ASH1L: variants seen among roughly 807,000 people sequenced by gnomAD.
ASH1L encodes the protein histone-lysine N-methyltransferase ASH1L.
Under a neutral mutation model 269.0 loss-of-function variants are expected in ASH1L, and 23 were observed. The ratio of observed to expected loss-of-function variants is 0.09; its 90% CI spans 0.06 to 0.12. ASH1L has a LOEUF of 0.12. ASH1L is among the 10% of genes least tolerant of loss of function. The probability of loss-of-function intolerance (pLI) is 1.00; values close to 1 mark genes in which losing one functional copy is unlikely to be tolerated. For missense variants in ASH1L, 2,912 were observed against 3,567.8 expected, an observed-to-expected ratio of 0.82 and a Z score of 4.68; for synonymous variants, 1,187 against 1,253.5, an observed-to-expected ratio of 0.95 and a Z score of 1.12.
chr1:155,457,436 T>C (rs1290540982), intron 4 of ASH1L, among the ~76,000 whole-genome samples: 2 of 152,226 alleles, frequency 1.3e-5, no homozygotes, highest in African/African-American at 2.4e-5. Context: ...TGCTATTTCA[T>C]GGTTTTGTGC....
At chr1:155,528,048 A>T (rs1181012516) in intron 1 of ASH1L, among the ~76,000 whole-genome samples, 1 of 152,068 alleles carries the variant, frequency 6.6e-6, no homozygotes, top group African/African-American at 2.4e-5. Context: ...ATGATTCACA[A>T]ATTTCTATCT....
intron 5 of ASH1L, among the ~76,000 whole-genome samples, chr1:155,431,964 T>C (rs1661644577): frequency 6.6e-6 from 1 of 152,178 alleles, no homozygotes; most frequent in African/African-American, 2.4e-5. Flanking sequence ...AAAATATACC[T>C]TTTTCTTTTT....
intron 2 of ASH1L, among the ~76,000 whole-genome samples, chr1:155,494,569 C>T (rs1667027683): frequency 1.3e-5 from 2 of 152,088 alleles, no homozygotes; most frequent in Non-Finnish European, 2.9e-5. Flanking sequence ...CAAGTGAATA[C>T]TAGGAGAGGG....
chr1:155,375,405 A>T (rs1378487766), intron 10 of ASH1L, among the ~76,000 whole-genome samples: 1 of 152,176 alleles, frequency 6.6e-6, no homozygotes, highest in Non-Finnish European at 1.5e-5. Flanking sequence ...AATTTACCAA[A>T]ATCTGAAATT....
chr1:155,459,711 A>G (rs908067078), intron 4 of ASH1L, 86 bp downstream of exon 4: 4 of 1,066,762 alleles, frequency 3.7e-6, no homozygotes, highest in Non-Finnish European at 5.6e-6. Context: ...AGTCCCCATT[A>G]TTTTTTCTAC....
At chr1:155,432,373 C>T (rs1661675652) in intron 5 of ASH1L, among the ~76,000 whole-genome samples, 2 of 152,152 alleles carry the variant, frequency 1.3e-5, no homozygotes, top group Non-Finnish European at 2.9e-5. Context: ...CATAATAGCA[C>T]TTGGATGGTT....
At position 155,438,629 on chromosome 1, in the gene ASH1L, C is replaced by T. The variant is rs1353858646; in HGVS notation, c.5526G>A (p.Gly1842=). ...AKKLQRQART[G]NNFVKRRPGR... ...CTGGCCTACGTTTCACAAAGTTATTCCCTGTCCTGGCCTGCCTTTGAAGTT... is the reference window on the plus strand; with the variant it reads ...CTGGCCTACGTTTCACAAAGTTATTTCCTGTCCTGGCCTGCCTTTGAAGTT... Residue 1842 remains glycine, a synonymous_variant, in exon 5 of 28, where the codon GGG becomes GGA. Transcript: ENST00000392403. 1 of 1,614,076 alleles carries T rather than the reference C, an allele frequency of 6.2e-7. No individual in the cohort carries two copies. Among genetic ancestry groups the T allele is most frequent in the Non-Finnish European group, 8.5e-7 (1 of 1,180,044 alleles).
chr1:155,542,337 C>G (rs1670478026), intron 1 of ASH1L, among the ~76,000 whole-genome samples: 1 of 152,084 alleles, frequency 6.6e-6, no homozygotes. Context: ...ATCACGAGGT[C>G]AGGAGATCGA....
chr1:155,342,185 G>A (rs1652877460), intron 24 of ASH1L, 83 bp from the exon 25 acceptor site: 1 of 1,344,292 alleles, frequency 7.4e-7, no homozygotes, highest in African/African-American at 1.4e-5. Context: ...ACACCAATGG[G>A]AGAGCAGCTA....
chr1:155,539,206 G>A (rs1243950575), intron 1 of ASH1L, among the ~76,000 whole-genome samples: 1 of 151,750 alleles, frequency 6.6e-6, no homozygotes, highest in Non-Finnish European at 1.5e-5. Flanking sequence ...GGAGTGCAGT[G>A]GCACTCATCC....
At chr1:155,484,396 G>A (rs973020410) in intron 2 of ASH1L, among the ~76,000 whole-genome samples, 1 of 152,130 alleles carries the variant, frequency 6.6e-6, no homozygotes, top group Non-Finnish European at 1.5e-5. Flanking sequence ...GCTGAGGCAG[G>A]AGAATCGCTT....
At chr1:155,406,538 T>C (rs1008469960) in intron 6 of ASH1L, among the ~76,000 whole-genome samples, 8 of 152,038 alleles carry the variant, frequency 5.3e-5, no homozygotes, top group Non-Finnish European at 1.0e-4. Flanking sequence ...GCCTTGTCTT[T>C]ACAAAAAATT....
chr1:155,366,297 C>A (rs1031449336), intron 12 of ASH1L, among the ~76,000 whole-genome samples: 2 of 152,156 alleles, frequency 1.3e-5, no homozygotes, highest in Non-Finnish European at 2.9e-5. Flanking sequence ...TCTATATGGT[C>A]TAAAAAGTGG....
rs991705659 is a variant in ASH1L at position 155,477,950 on chromosome 1, T to A, written c.4920A>T (p.Ser1640=). ...SPGLFSAQDT[S]LNRLHRKESL... ...ACTCCTTTCTGTGAAGCCGATTTAG[T>A]GAAGTGTCCTGTGCAGAAAAGAGTC... The change falls in exon 3 of 28, where the codon TCA becomes TCT. Residue 1640 remains serine (S), a synonymous_variant. Coordinates refer to ENST00000392403, the MANE Select transcript of ASH1L (RefSeq NM_018489.3). The A allele has an allele frequency of 6.2e-7, 1 of 1,614,186 alleles. No homozygotes were observed. Among genetic ancestry groups the A allele is most frequent in the Non-Finnish European group, 8.5e-7 (1 of 1,179,996 alleles).
chr1:155,367,076 C>A (rs780461574), intron 12 of ASH1L, among the ~76,000 whole-genome samples: 47 of 150,908 alleles, frequency 3.1e-4, no homozygotes, highest in Non-Finnish European at 5.9e-4. Flanking sequence ...TCACTACAAC[C>A]TCCGCCTCCC....
At chr1:155,404,056 C>CAAA (rs1265354613) in intron 6 of ASH1L, among the ~76,000 whole-genome samples, 1 of 69,690 alleles carries the variant, frequency 1.4e-5, no homozygotes, top group South Asian at 4.4e-4. Flanking sequence ...AACTCCGTCT[C>CAAA]AAAAAAAAAA....
At chr1:155,373,118 C>G (rs780004920) in intron 10 of ASH1L, among the ~76,000 whole-genome samples, 28 of 151,332 alleles carry the variant, frequency 1.9e-4, no homozygotes, top group Non-Finnish European at 3.5e-4. Context: ...GAGGCTGAGA[C>G]AGGAGAATTG....
chr1:155,528,004 C>T (rs1669391505), intron 1 of ASH1L, among the ~76,000 whole-genome samples: 1 of 152,170 alleles, frequency 6.6e-6, no homozygotes, highest in South Asian at 2.1e-4. Flanking sequence ...ATGACCAGAT[C>T]CAGTCTTACG....
chr1:155,556,603 G>A lies in ASH1L; in HGVS notation c.-100+5550C>T, dbSNP rs560063474. The stretch of plus-strand genomic sequence containing the variant: ...GGGACTACAGGCACATGCCACCTGC[G>A]CCTAATTTTTTATATTTTTAGTAGA... On this transcript the variant is annotated intron_variant, in intron 1 of 27. Coordinates refer to ENST00000392403, the MANE Select transcript of ASH1L (RefSeq NM_018489.3). Among the ~76,000 whole-genome samples, 4 of 151,824 alleles carry A rather than the reference G, an allele frequency of 2.6e-5. No individual in the cohort carries two copies. The East Asian group carries it at 5.8e-4, about 22-fold the overall frequency.
Sources: gnomAD v4.1 joint callset for allele counts (sites outside exome capture counted in the v4.1 genomes callset) on GRCh38, gnomAD v4.1.1 for gene constraint, MANE v1.5 for transcripts, NCBI Gene and HGNC (gene_info 2026-07-23, HGNC 2026-07-21) for gene names.